The following ATXN1 variants were observed in gnomAD, a reference collection of about 807,000 sequenced individuals.
ATXN1 encodes ataxin-1.
In ATXN1, 8 loss-of-function variants were observed where a neutral mutation model predicts 56.4. The observed-to-expected ratio is 0.14, with a 90% CI of 0.08 to 0.26. The LOEUF is 0.26. Among genes scored for constraint, ATXN1 ranks in the 10% least tolerant of loss-of-function variants. The pLI is 1.00. For missense variants in ATXN1, 987 were observed against 1,106.5 expected (o/e 0.89, Z 1.53); for synonymous variants, 514 against 494.6 (o/e 1.04, Z -0.52).
In ATXN1 at chr6:16,328,152, C is replaced by T. The variant is rs1354742983; in HGVS notation, c.159G>A (p.Arg53=). 10 of 1,583,322 alleles carry T rather than the reference C, an allele frequency of 6.3e-6. No individual in the cohort carries two copies. Among genetic ancestry groups the T allele is most frequent in the Admixed American group, 1.7e-5 (1 of 58,036 alleles). Residue 53 remains arginine, a synonymous_variant, in exon 7 of 8, where the codon CGG becomes CGA. Transcript: ENST00000436367. This position sits in a 1 kb window ranked among gnomAD's most constrained non-coding sequence, Gnocchi z 6.2. ...GCCCATGCCTCCCGCCCCCGTGGCCCCGGCCACCAGGGTTGCCCGGGAGCC... is the reference window on the plus strand; with the variant it reads ...GCCCATGCCTCCCGCCCCCGTGGCCTCGGCCACCAGGGTTGCCCGGGAGCC... ...TAWLPGNPGG[R]GHGGGRHGPA...
At chr6:16,492,338 TG>T (rs1279203737) in intron 5 of ATXN1, among the ~76,000 whole-genome samples, 2 of 152,000 alleles carry the variant, frequency 1.3e-5, no homozygotes, top group Non-Finnish European at 2.9e-5. Flanking sequence ...GACGAGTTAA[TG>T]GGTGCAGCAC....
intron 4 of ATXN1, among the ~76,000 whole-genome samples, chr6:16,579,468 A>C (rs1335248992): frequency 7.0e-5 from 7 of 99,460 alleles, no homozygotes; most frequent in Non-Finnish European, 1.4e-4. Flanking sequence ...GTCACTGAGT[A>C]CCTTGGTCAA....
intron 6 of ATXN1, among the ~76,000 whole-genome samples, chr6:16,339,886 G>A (rs1278974789): frequency 4.6e-5 from 7 of 152,272 alleles, no homozygotes; most frequent in Admixed American, 1.3e-4. Flanking sequence ...GGGTTCAAGC[G>A]ATTCTCCTGC....
At chr6:16,659,495 C>T (rs193218225) in intron 2 of ATXN1, among the ~76,000 whole-genome samples, 1 of 152,290 alleles carries the variant, frequency 6.6e-6, no homozygotes, top group East Asian at 1.9e-4. Context: ...TTATTTGTTA[C>T]CAACTTCATA....
Position 16,588,173 on chromosome 6 carries a change from C to T in ATXN1, c.-488-2266G>A, listed in dbSNP as rs1320165830. ...TGCAGCCATACTCCTCAACTCCCTC[C>T]GCTCCTCTCCGGCACCACCCTGGCT... On this transcript the variant is annotated intron_variant, in intron 3 of 7. Transcript: ENST00000436367. 2.0e-5 allele frequency among the ~76,000 whole-genome samples: 3 copies of T among 152,080 alleles called. 1 individual carries two copies. Among genetic ancestry groups the T allele is most frequent in the Non-Finnish European group, 4.4e-5 (3 of 68,024 alleles).
rs146975784 is a variant in ATXN1, at chr6:16,719,809, C to T, written c.-615+33424G>A. On this transcript the variant is annotated intron_variant, in intron 2 of 7. Coordinates refer to ENST00000436367, the MANE Select transcript of ATXN1 (RefSeq NM_001128164.2). ...AAAACAGAGGCAGAGACTGGAGTGA[C>T]GCTGCCACAAGCCAAGGAACGCCTG... Among the ~76,000 whole-genome samples the T allele has an allele frequency of 2.8e-4, 43 of 152,232 alleles. 1 individual carries two copies. In the East Asian group the frequency reaches 7.5e-3, roughly 27 times the overall value.
intron 6 of ATXN1, among the ~76,000 whole-genome samples, chr6:16,405,400 C>T (rs1389440721): frequency 1.3e-5 from 2 of 152,222 alleles, no homozygotes; most frequent in Non-Finnish European, 2.9e-5. Context: ...AGCCTATCTC[C>T]TTCCCATTCC....
Position 16,328,019 on chromosome 6 carries a change from C to A in ATXN1, c.292G>T (p.Val98Leu). The part of the protein sequence containing the change: ...SPPSAPRSVP[V>L]ATTLPAAYAT... ...TACGCGGCAGGCAGCGTGGTGGCCACGGGGACAGACCTGGGAGCGCTGGGC... is the reference window on the plus strand; with the variant it reads ...TACGCGGCAGGCAGCGTGGTGGCCAAGGGGACAGACCTGGGAGCGCTGGGC... Residue 98 changes from valine to leucine, a missense_variant, in exon 7 of 8, where the codon GTG (valine) becomes TTG (leucine). Physicochemically the swap from Val to Leu is conservative, Grantham distance 32. Around this residue, in one of 3 missense-constraint regions of ATXN1, gnomAD observed 723 missense variants for 791.7 expected, o/e 0.91. Coordinates refer to ENST00000436367, the MANE Select transcript of ATXN1 (RefSeq NM_001128164.2). This position sits in a 1 kb window ranked among gnomAD's most constrained non-coding sequence, Gnocchi z 6.2. The A allele has an allele frequency of 6.2e-7, 1 of 1,613,482 alleles. No homozygotes were observed. Among genetic ancestry groups the A allele is most frequent in the Non-Finnish European group, 8.5e-7 (1 of 1,179,708 alleles).
At chr6:16,609,129 G>A (rs1763061035) in intron 3 of ATXN1, among the ~76,000 whole-genome samples, 1 of 152,198 alleles carries the variant, frequency 6.6e-6, no homozygotes, top group Non-Finnish European at 1.5e-5. Flanking sequence ...TCTTGAAAAG[G>A]TGGCACAGCA....
chr6:16,342,160 G>C (rs1761265426), intron 6 of ATXN1, among the ~76,000 whole-genome samples: 1 of 152,040 alleles, frequency 6.6e-6, no homozygotes, highest in Non-Finnish European at 1.5e-5. Flanking sequence ...TGGGATTACA[G>C]GCGTGAGCCA....
chr6:16,531,256 T>C (rs1761498350), intron 4 of ATXN1, among the ~76,000 whole-genome samples: 1 of 152,232 alleles, frequency 6.6e-6, no homozygotes, highest in South Asian at 2.1e-4. Context: ...AGATCAGAGC[T>C]ACTTCACCAA....
chr6:16,601,169 C>G (rs544999397), intron 3 of ATXN1, among the ~76,000 whole-genome samples: 22 of 152,326 alleles, frequency 1.4e-4, no homozygotes, highest in Admixed American at 1.4e-3. Context: ...TCATAGGTAA[C>G]TTTAGAAAGC....
intron 6 of ATXN1, among the ~76,000 whole-genome samples, chr6:16,374,404 A>G (rs1445979385): frequency 6.6e-6 from 1 of 152,230 alleles, no homozygotes; most frequent in African/African-American, 2.4e-5. Flanking sequence ...AAAATGGTTT[A>G]GCACAACACT....
At chr6:16,711,589 A>T (rs1023761788) in intron 2 of ATXN1, among the ~76,000 whole-genome samples, 2 of 28,544 alleles carry the variant, frequency 7.0e-5, no homozygotes, top group Non-Finnish European at 1.3e-4. Flanking sequence ...TTCACAAAAT[A>T]AAAAAAAAAA....
At chr6:16,551,044 T>C (rs1761912187) in intron 4 of ATXN1, among the ~76,000 whole-genome samples, 1 of 152,206 alleles carries the variant, frequency 6.6e-6, no homozygotes, top group South Asian at 2.1e-4. Context: ...GTATGGCTTT[T>C]CAGAGGGGAT....
At position 16,306,879 on chromosome 6, in the gene ATXN1, CAGAG is replaced by C. The variant is rs760029590; in HGVS notation, c.1918-24_1918-21del. ...GCTGACCTGTGGAAACAGGGAGAGA[CAGAG>C]AGAGGAAGAAGGAAGGGAACAAATG... On this transcript the variant is annotated intron_variant, in intron 7 of 7. Coordinates refer to ENST00000436367, the MANE Select transcript of ATXN1 (RefSeq NM_001128164.2). The surrounding 1 kb of genome is among the most constrained non-coding windows in gnomAD (Gnocchi z 5.2). 1 of 1,574,516 alleles carries C rather than the reference CAGAG, an allele frequency of 6.4e-7. No homozygotes were observed. The highest frequency in any genetic ancestry group is 1.9e-5 in the Admixed American group (1 of 52,488).
intron 6 of ATXN1, among the ~76,000 whole-genome samples, chr6:16,351,906 G>A (rs1761577278): frequency 6.6e-6 from 1 of 152,228 alleles, no homozygotes; most frequent in African/African-American, 2.4e-5. Flanking sequence ...GAAATGGGAA[G>A]TGAGGTCTCT....
intron 6 of ATXN1, among the ~76,000 whole-genome samples, chr6:16,431,232 T>C (rs1224238574): frequency 6.6e-6 from 1 of 152,088 alleles, no homozygotes. Context: ...TGGCTGAAAT[T>C]ATCAGGGAGG....
chr6:16,681,609 C>T (rs992030635), intron 2 of ATXN1, among the ~76,000 whole-genome samples: 1 of 152,214 alleles, frequency 6.6e-6, no homozygotes, highest in African/African-American at 2.4e-5. Context: ...TGCACACCTC[C>T]GTCTTTTTTA....
Sources: allele counts gnomAD v4.1 joint callset (sites outside exome capture counted in the v4.1 genomes callset), GRCh38; gene constraint gnomAD v4.1.1; regional missense constraint gnomAD v4.1.1; non-coding constraint Gnocchi (gnomAD v3.1); transcripts MANE v1.5; gene names NCBI Gene and HGNC (gene_info 2026-07-23, HGNC 2026-07-21).